Variants in FMN1 observed in about 807,000 individuals in gnomAD.
FMN1 encodes the protein formin 1.
A neutral mutation model predicts 132.4 loss-of-function variants in FMN1; 110 were observed. That is an observed-to-expected ratio of 0.83 (90% CI 0.71 to 0.97). FMN1 has a LOEUF of 0.97. Ranked by LOEUF, FMN1 falls within the 50% of genes least tolerant of loss-of-function variation. The probability of loss-of-function intolerance (pLI) is 0.00; values close to 1 mark genes in which losing one functional copy is unlikely to be tolerated. For missense variants in FMN1, 1,792 were observed against 1,705.3 expected, an observed-to-expected ratio of 1.05 and a Z score of -0.90; for synonymous variants, 722 against 651.7, an observed-to-expected ratio of 1.11 and a Z score of -1.64.
intron 7 of FMN1, among the ~76,000 whole-genome samples, chr15:33,006,875 G>C (rs1236162556): frequency 6.6e-6 from 1 of 152,100 alleles, no homozygotes; most frequent in African/African-American, 2.4e-5. Context: ...GTGGTTACCA[G>C]GGGCTAGGGG....
chr15:33,008,940 T>C (rs1387959255), intron 6 of FMN1, among the ~76,000 whole-genome samples: 1 of 152,196 alleles, frequency 6.6e-6, no homozygotes, highest in Non-Finnish European at 1.5e-5. Context: ...CAGTTTGACC[T>C]CATTGAAATA....
rs2056066917 is a variant in FMN1 at position 32,766,886 on chromosome 15, A to T, written c.*7424T>A. On this transcript the variant is annotated 3_prime_UTR_variant, in exon 21 of 21. Transcript: ENST00000616417. ...GAGGAAACAGAAGTATTGAAAGAAG[A>T]AAGTGAAACAAAGCTAGAAGTCAAA... The T allele has an allele frequency of 6.6e-6, 1 of 152,286 alleles. No individual in the cohort carries two copies. The highest frequency in any genetic ancestry group is 2.1e-4 in the South Asian group (1 of 4,836). 9.4% of individuals were successfully genotyped at this position (152,286 alleles called of 1,614,324 possible).
chr15:33,100,811 T>A (rs1407985156), intron 4 of FMN1, among the ~76,000 whole-genome samples: 2 of 152,130 alleles, frequency 1.3e-5, no homozygotes, highest in African/African-American at 4.8e-5. Context: ...AAATATAATC[T>A]ATGACAGAAA....
intron 5 of FMN1, among the ~76,000 whole-genome samples, chr15:33,082,662 G>C (rs1395512648): frequency 2.0e-5 from 3 of 152,122 alleles, no homozygotes; most frequent in Non-Finnish European, 4.4e-5. Context: ...GACCTGAGAT[G>C]CATGGCTAAT....
At chr15:32,993,076 G>A (rs1192925085) in intron 7 of FMN1, among the ~76,000 whole-genome samples, 17 of 152,130 alleles carry the variant, frequency 1.1e-4, no homozygotes, top group Admixed American at 1.1e-3. Flanking sequence ...TTCTCCTAGG[G>A]ACAATGCCTT....
Position 33,011,257 on chromosome 15 carries a change from A to C in FMN1, c.2162-3182T>G, listed in dbSNP as rs372970581. On this transcript the variant is annotated intron_variant, in intron 6 of 20. Coordinates refer to ENST00000616417, the MANE Select transcript of FMN1 (RefSeq NM_001277313.2). The stretch of plus-strand genomic sequence containing the variant: ...ACAGTCCAGAAAGATACCATGATTT[A>C]TAGGGTCACTTGATATATGATAGAA... Among the ~76,000 whole-genome samples, 126 of 152,278 alleles carry C rather than the reference A, an allele frequency of 8.3e-4. 2 individuals are homozygous for C. Among genetic ancestry groups the C allele is most frequent in the South Asian group, 3.9e-3 (19 of 4,832 alleles).
intron 7 of FMN1, among the ~76,000 whole-genome samples, chr15:32,983,771 A>G (rs1403740963): frequency 6.6e-6 from 1 of 152,168 alleles, no homozygotes; most frequent in Non-Finnish European, 1.5e-5. Flanking sequence ...AAATTTCTTG[A>G]GGTAAAAGTT....
At chr15:32,920,140 C>T (rs1459834133) in intron 10 of FMN1, among the ~76,000 whole-genome samples, 3 of 152,200 alleles carry the variant, frequency 2.0e-5, no homozygotes, top group South Asian at 2.1e-4. Context: ...TGCATATGAA[C>T]GTTTATATCA....
intron 7 of FMN1, among the ~76,000 whole-genome samples, chr15:32,995,461 G>T (rs139927717): frequency 6.6e-6 from 1 of 152,118 alleles, no homozygotes; most frequent in Non-Finnish European, 1.5e-5. Flanking sequence ...TATAAATTCT[G>T]TTTTCCCAAA....
At chr15:33,061,039 T>TCTCC (rs904161865) in intron 6 of FMN1, among the ~76,000 whole-genome samples, 1 of 152,168 alleles carries the variant, frequency 6.6e-6, no homozygotes, top group African/African-American at 2.4e-5. Context: ...CGGAACAGGT[T>TCTCC]CTCCCTCTGA....
intron 17 of FMN1, among the ~76,000 whole-genome samples, chr15:32,847,813 C>G (rs1045729986): frequency 1.3e-5 from 2 of 152,130 alleles, no homozygotes; most frequent in Admixed American, 6.5e-5. Context: ...TGAGATCGCG[C>G]CACTGCACTC....
intron 7 of FMN1, among the ~76,000 whole-genome samples, chr15:32,973,348 C>T (rs138185831): frequency 6.6e-6 from 1 of 152,280 alleles, no homozygotes; most frequent in African/African-American, 2.4e-5. Flanking sequence ...TTTGCAAATA[C>T]TGTCCTCTTC....
chr15:33,101,538 G>C (rs935955832), intron 4 of FMN1, among the ~76,000 whole-genome samples: 1 of 152,092 alleles, frequency 6.6e-6, no homozygotes, highest in African/African-American at 2.4e-5. Context: ...GCTGCCCTGG[G>C]ATAGGAGTTG....
chr15:33,004,981 T>A (rs2034334311), intron 7 of FMN1, among the ~76,000 whole-genome samples: 1 of 152,094 alleles, frequency 6.6e-6, no homozygotes, highest in African/African-American at 2.4e-5. Context: ...TAGGTGGGAC[T>A]TGAACAATGA....
chr15:33,126,147 T>C lies in FMN1; in HGVS notation c.1867+26901A>G, dbSNP rs551590942. Among the ~76,000 whole-genome samples, 330 of 152,086 alleles carry C rather than the reference T, an allele frequency of 2.2e-3. 2 individuals are homozygous for C. Among genetic ancestry groups the C allele is most frequent in the African/African-American group, 7.7e-3 (318 of 41,476 alleles). On this transcript the variant is annotated intron_variant, in intron 4 of 20. Transcript: ENST00000616417. ...CTGCCACAGCTGCTGACTAAATGAG[T>C]TTATCCCCGGTCATGAGGAGCATAC...
intron 5 of FMN1, among the ~76,000 whole-genome samples, chr15:33,078,827 A>G (rs568281678): frequency 2.3e-4 from 35 of 152,270 alleles, no homozygotes; most frequent in African/African-American, 7.7e-4. Context: ...TGCTTTTTTG[A>G]AAGACACACA....
intron 8 of FMN1, among the ~76,000 whole-genome samples, chr15:32,966,246 T>C (rs1056317736): frequency 6.6e-6 from 1 of 152,012 alleles, no homozygotes; most frequent in African/African-American, 2.4e-5. Context: ...CTGGAGTAAA[T>C]TGGCTTTGGG....
chr15:32,904,471 G>A (rs2060373070), intron 12 of FMN1, among the ~76,000 whole-genome samples: 1 of 152,174 alleles, frequency 6.6e-6, no homozygotes, highest in Non-Finnish European at 1.5e-5. Context: ...TCAGCTGATT[G>A]GATGGGAGAG....
At chr15:33,082,001 TCAA>T (rs929630463) in intron 5 of FMN1, among the ~76,000 whole-genome samples, 1 of 148,068 alleles carries the variant, frequency 6.8e-6, no homozygotes, top group African/African-American at 2.6e-5. Flanking sequence ...GAAACCAGAA[TCAA>T]CAAGAAGAGT....
Sources: allele counts gnomAD v4.1 joint callset (sites outside exome capture counted in the v4.1 genomes callset), GRCh38; gene constraint gnomAD v4.1.1; transcripts MANE v1.5; gene names NCBI Gene and HGNC (gene_info 2026-07-23, HGNC 2026-07-21).